COL15A1: variants seen among roughly 807,000 people sequenced by gnomAD.
COL15A1 encodes the protein collagen type XV alpha 1 chain, also known as collagen alpha-1(XV) chain.
In COL15A1, 111 loss-of-function variants were observed where a neutral mutation model predicts 165.9. That is an observed-to-expected ratio of 0.67 (90% CI 0.57 to 0.78). COL15A1 has a LOEUF of 0.78. COL15A1 is among the 30% of genes least tolerant of loss of function. COL15A1 has a pLI of 0.00. For missense variants in COL15A1, 1,745 were observed against 1,789.7 expected (o/e 0.98, Z 0.45); for synonymous variants, 659 against 674.8 (o/e 0.98, Z 0.36).
chr9:98,959,118 T>C (rs10988363), intron 2 of COL15A1, among the ~76,000 whole-genome samples: 53,595 of 149,020 alleles, frequency 0.36, 9,618 homozygotes, highest in Non-Finnish European at 0.38. Flanking sequence ...TGGCCAGGCA[T>C]GGTGGCTCAC....
intron 2 of COL15A1, among the ~76,000 whole-genome samples, chr9:98,950,702 C>G (rs529301316): frequency 1.3e-5 from 2 of 151,582 alleles, no homozygotes; most frequent in Non-Finnish European, 2.9e-5. Context: ...GCAACCTCCA[C>G]CTCCCAGGTT....
chr9:99,065,358 G>A (rs1174850917), intron 39 of COL15A1, among the ~76,000 whole-genome samples: 1 of 152,112 alleles, frequency 6.6e-6, no homozygotes, highest in Non-Finnish European at 1.5e-5. Context: ...GGAAGATGAT[G>A]AGACCATAGG....
chr9:99,025,904 G>A lies in COL15A1; in HGVS notation c.1981G>A (p.Gly661Ser). Residue 661 changes from glycine to serine, a missense_variant and splice_region_variant, in exon 16 of 42, where the codon GGC becomes AGC. Gly to Ser is a moderately conservative substitution (Grantham distance 56, BLOSUM62 0). Coordinates refer to ENST00000375001, the MANE Select transcript of COL15A1 (RefSeq NM_001855.5). ...DGPAGEPGPP[G>S]PEGQPGVDGA... is the part of the protein sequence containing the mutation. Reference sequence around the variant, plus strand: ...GTTGATTGTCACTGATGTTCCCCAGGGCCCTGAGGGACAGCCTGGAGTTGA... The same window carrying A: ...GTTGATTGTCACTGATGTTCCCCAGAGCCCTGAGGGACAGCCTGGAGTTGA... 2 of 1,612,854 alleles carry A rather than the reference G, an allele frequency of 1.2e-6. No individual in the cohort carries two copies. The highest frequency in any genetic ancestry group is 1.7e-6 in the Non-Finnish European group (2 of 1,179,596).
chr9:99,036,437 A>G (rs1222865549), intron 21 of COL15A1, 41 bp downstream of exon 21: 1 of 1,602,666 alleles, frequency 6.2e-7, no homozygotes, highest in Non-Finnish European at 8.5e-7. Context: ...CATATTTTCC[A>G]CCTTTGCCAA....
At chr9:99,000,653 C>T (rs1838634548) in intron 6 of COL15A1, among the ~76,000 whole-genome samples, 186 bp from the exon 7 acceptor site, 1 of 152,192 alleles carries the variant, frequency 6.6e-6, no homozygotes, top group Non-Finnish European at 1.5e-5. Context: ...CAGGTGGTGC[C>T]AGAGCCTGGA....
In COL15A1 at chr9:99,024,281, TTTTG is replaced by T. The variant is rs1326478841; in HGVS notation, c.1855-589_1855-586del. On this transcript the variant is annotated intron_variant, in intron 14 of 41. Coordinates refer to ENST00000375001, the MANE Select transcript of COL15A1 (RefSeq NM_001855.5). ...ACACCACAAGCAGTTTTTTTTGTTT[TTTTG>T]TTTTTTTTTTTTTGAGATGGAGTCT... Among the ~76,000 whole-genome samples the T allele has an allele frequency of 8.1e-3, 1,121 of 138,060 alleles. 106 individuals carry two copies. The highest frequency in any genetic ancestry group is 0.029 in the African/African-American group (1,062 of 36,508). The allele number at this position is 138,060 out of a possible 152,430, so 90.6% of individuals were successfully genotyped here.
Position 99,070,107 on chromosome 9 carries a change from T to C in COL15A1, c.*221T>C. 2.0e-6 allele frequency: 1 copy of C among 492,614 alleles called. No individual in the cohort carries two copies. The highest frequency in any genetic ancestry group is 3.6e-6 in the Non-Finnish European group (1 of 279,174). The allele number at this position is 492,614 out of a possible 1,614,324, so 30.5% of individuals were successfully genotyped here. A position where few individuals can be genotyped will look rare whatever the true frequency, so the allele number is the denominator to read the frequency against. On this transcript the variant is annotated 3_prime_UTR_variant, in exon 42 of 42. Coordinates refer to ENST00000375001, the MANE Select transcript of COL15A1 (RefSeq NM_001855.5). ...ATCTGATCCATATATTGGTGCTAGATTCTGCAGGAAACCCCAGCAGTGTGA... is the reference window on the plus strand; with the variant it reads ...ATCTGATCCATATATTGGTGCTAGACTCTGCAGGAAACCCCAGCAGTGTGA...
At chr9:99,034,216 G>A (rs186766907) in intron 16 of COL15A1, among the ~76,000 whole-genome samples, 2 of 152,322 alleles carry the variant, frequency 1.3e-5, no homozygotes, top group African/African-American at 4.8e-5. Flanking sequence ...GTCATGGGAA[G>A]GGTGGGGAAG....
At chr9:99,040,237 C>T (rs1283339543) in intron 22 of COL15A1, among the ~76,000 whole-genome samples, 1 of 152,172 alleles carries the variant, frequency 6.6e-6, no homozygotes. Flanking sequence ...GAGACTAAAA[C>T]CAGAGATTGG....
chr9:99,009,173 T>C (rs1564052045), intron 9 of COL15A1, among the ~76,000 whole-genome samples: 1 of 149,572 alleles, frequency 6.7e-6, no homozygotes, highest in Non-Finnish European at 1.5e-5. Context: ...CCTATGCCGA[T>C]TATAAAACCA....
chr9:99,006,389 G>A (rs1838763429), intron 9 of COL15A1, among the ~76,000 whole-genome samples: 1 of 152,250 alleles, frequency 6.6e-6, no homozygotes, highest in South Asian at 2.1e-4. Flanking sequence ...GTGAGTGAAT[G>A]GCTGGGGTCA....
intron 5 of COL15A1, among the ~76,000 whole-genome samples, chr9:98,996,208 A>G (rs1838540313): frequency 6.6e-6 from 1 of 152,220 alleles, no homozygotes; most frequent in Non-Finnish European, 1.5e-5. Flanking sequence ...CGAGTTCAAC[A>G]CTGATTCACA....
chr9:98,984,547 C>T (rs1399465491), intron 2 of COL15A1, among the ~76,000 whole-genome samples: 1 of 152,184 alleles, frequency 6.6e-6, no homozygotes, highest in African/African-American at 2.4e-5. Context: ...AGTACCTAAC[C>T]TCATAGGTTT....
intron 13 of COL15A1, among the ~76,000 whole-genome samples, chr9:99,022,695 T>C (rs945990484): frequency 6.6e-6 from 1 of 152,136 alleles, no homozygotes; most frequent in Non-Finnish European, 1.5e-5. Context: ...CAAACCCAGC[T>C]CTTCTGGGTG....
intron 2 of COL15A1, among the ~76,000 whole-genome samples, chr9:98,970,952 A>C (rs911921940): frequency 6.6e-6 from 1 of 151,952 alleles, no homozygotes; most frequent in African/African-American, 2.4e-5. Context: ...GAGTATGTGA[A>C]CCTATGCGTG....
chr9:98,967,949 T>A (rs1029064357), intron 2 of COL15A1, among the ~76,000 whole-genome samples: 3 of 152,180 alleles, frequency 2.0e-5, no homozygotes, highest in Middle Eastern at 3.2e-3. Context: ...CTGGAGTAGG[T>A]CTCGAGAATC....
At chr9:98,963,809 C>T (rs1328464840) in intron 2 of COL15A1, among the ~76,000 whole-genome samples, 1 of 152,142 alleles carries the variant, frequency 6.6e-6, no homozygotes, top group African/African-American at 2.4e-5. Context: ...GATGGGGAAC[C>T]CAGTGCTGAG....
chr9:98,975,725 T>C (rs1838130914), intron 2 of COL15A1, among the ~76,000 whole-genome samples: 1 of 152,238 alleles, frequency 6.6e-6, no homozygotes, highest in African/African-American at 2.4e-5. Flanking sequence ...CTTAGGAGTC[T>C]GAACTAGATT....
intron 2 of COL15A1, among the ~76,000 whole-genome samples, chr9:98,964,215 C>G (rs1445787558): frequency 6.6e-6 from 1 of 151,642 alleles, no homozygotes; most frequent in Non-Finnish European, 1.5e-5. Context: ...CCCACCCCCC[C>G]ATTCTTGGTC....
Sources: allele counts gnomAD v4.1 joint callset (sites outside exome capture counted in the v4.1 genomes callset), GRCh38; gene constraint gnomAD v4.1.1; transcripts MANE v1.5; gene names NCBI Gene and HGNC (gene_info 2026-07-23, HGNC 2026-07-21).